ARAP2: variants seen among roughly 807,000 people sequenced by gnomAD.
ARAP2 encodes the protein ArfGAP with RhoGAP domain, ankyrin repeat and PH domain 2, also known as arf-GAP with Rho-GAP domain, ANK repeat and PH domain-containing protein 2.
ARAP2 carries 148 observed loss-of-function variants against 194.5 expected under a neutral mutation model. That is an observed-to-expected ratio of 0.76 (90% CI 0.67 to 0.87). The LOEUF (loss-of-function observed/expected upper bound fraction) is 0.87. Among genes scored for constraint, ARAP2 ranks in the 40% least tolerant of loss-of-function variants. The pLI, the probability that ARAP2 is intolerant of heterozygous loss-of-function variation, is 0.00. For missense variants in ARAP2, 2,128 were observed against 1,989.7 expected (o/e 1.07, Z -1.32); for synonymous variants, 695 against 683.5 (o/e 1.02, Z -0.26).
chr4:36,082,315 T>C (rs1365400359), intron 29 of ARAP2, 29 bp from the exon 30 acceptor site: 2 of 1,592,174 alleles, frequency 1.3e-6, no homozygotes, highest in Admixed American at 1.7e-5. Flanking sequence ...AAAACACACA[T>C]AAATTAAAAA....
intron 19 of ARAP2, among the ~76,000 whole-genome samples, chr4:36,146,017 A>C (rs915011135): frequency 7.9e-5 from 12 of 151,994 alleles, no homozygotes; most frequent in African/African-American, 2.9e-4. Flanking sequence ...TCCCAAAACC[A>C]AACTCTTGAT....
intron 32 of ARAP2, among the ~76,000 whole-genome samples, chr4:36,069,131 T>C (rs1160365246): frequency 6.6e-6 from 1 of 152,192 alleles, no homozygotes; most frequent in Non-Finnish European, 1.5e-5. Context: ...AAGAAAAGTT[T>C]AAACAGTTTC....
chr4:36,171,134 A>G (rs1027277895), intron 9 of ARAP2, among the ~76,000 whole-genome samples: 1 of 152,214 alleles, frequency 6.6e-6, no homozygotes, highest in African/African-American at 2.4e-5. Context: ...AGTAGCACCT[A>G]CAGCATCAGT....
intron 19 of ARAP2, among the ~76,000 whole-genome samples, chr4:36,146,147 T>A (rs1729574744): frequency 6.6e-6 from 1 of 152,016 alleles, no homozygotes; most frequent in Non-Finnish European, 1.5e-5. Context: ...CATCCTTGAC[T>A]CTTACACTTA....
chr4:36,162,282 T>C (rs905515976), intron 11 of ARAP2, among the ~76,000 whole-genome samples: 5 of 152,196 alleles, frequency 3.3e-5, no homozygotes, highest in Non-Finnish European at 5.9e-5. Context: ...ATGCAGATAA[T>C]ATTTCTTTAC....
chr4:36,228,736 C>A lies in ARAP2; in HGVS notation c.751G>T (p.Glu251Ter), dbSNP rs2109337998. 1 of 1,614,116 alleles carries A rather than the reference C, an allele frequency of 6.2e-7. No individual in the cohort carries two copies. Among genetic ancestry groups the A allele is most frequent in the East Asian group, 2.2e-5 (1 of 44,868 alleles). Reference sequence around the variant, plus strand: ...ACATACAAGTCATTTACAATCATTTCTCCTTGAAACTTAAAGAATGGGGAT... The same window carrying A: ...ACATACAAGTCATTTACAATCATTTATCCTTGAAACTTAAAGAATGGGGAT... The part of the protein sequence containing the change: ...PPSPFFKFQG[E>*]MIVNDLYVPS... The change falls in exon 2 of 33, where the codon GAA (glutamate) becomes TAA (stop). Residue 251 changes from glutamate to a stop codon, truncating the protein, a stop_gained. Transcript: ENST00000303965. LOFTEE classifies it high-confidence loss of function.
At chr4:36,062,655 T>C (rs1724648997), downstream of ARAP2, among the ~76,000 whole-genome samples, 1 of 151,832 alleles carries the variant, frequency 6.6e-6, no homozygotes, top group African/African-American at 2.4e-5. Context: ...TGTGTGTGTG[T>C]GTGTGTGTAT....
chr4:36,205,909 A>G (rs1206170145), intron 6 of ARAP2, among the ~76,000 whole-genome samples: 1 of 152,236 alleles, frequency 6.6e-6, no homozygotes, highest in African/African-American at 2.4e-5. Context: ...CACAATGTTT[A>G]CAAGTAGCTA....
chr4:36,063,896 A>G (rs996789385), downstream of ARAP2, among the ~76,000 whole-genome samples: 1 of 152,242 alleles, frequency 6.6e-6, no homozygotes, highest in Non-Finnish European at 1.5e-5. Flanking sequence ...AAAGATGCAA[A>G]TATCTGCATG....
intron 5 of ARAP2, among the ~76,000 whole-genome samples, chr4:36,039,019 A>G (rs1301678571): frequency 6.6e-6 from 1 of 152,214 alleles, no homozygotes; most frequent in Non-Finnish European, 1.5e-5. Flanking sequence ...TATTATTTAA[A>G]TAATTATCAT....
intron 27 of ARAP2, among the ~76,000 whole-genome samples, chr4:36,103,575 G>GA (rs1717593986): frequency 6.6e-6 from 1 of 151,762 alleles, no homozygotes; most frequent in East Asian, 1.9e-4. Flanking sequence ...ATATGGAATA[G>GA]AAAAAAATTG....
intron 2 of ARAP2, among the ~76,000 whole-genome samples, chr4:36,219,952 ACT>A (rs1441680796): frequency 6.6e-6 from 1 of 152,206 alleles, no homozygotes; most frequent in African/African-American, 2.4e-5. Flanking sequence ...GCAAAGCTAT[ACT>A]GTTTGCATCA....
chr4:36,070,039 A>T (rs982914753), intron 32 of ARAP2, among the ~76,000 whole-genome samples: 1 of 152,162 alleles, frequency 6.6e-6, no homozygotes, highest in Non-Finnish European at 1.5e-5. Flanking sequence ...GAAGCCAAGC[A>T]GATGCCACCA....
At chr4:36,024,234 A>G (rs1260902517) in intron 5 of ARAP2, among the ~76,000 whole-genome samples, 6 of 152,190 alleles carry the variant, frequency 3.9e-5, no homozygotes, top group Non-Finnish European at 8.8e-5. Flanking sequence ...AAAGTTGATC[A>G]AGTCACAACG....
chr4:36,202,502 A>T (rs1047533386), intron 6 of ARAP2, among the ~76,000 whole-genome samples: 2 of 152,274 alleles, frequency 1.3e-5, no homozygotes, highest in East Asian at 3.9e-4. Flanking sequence ...GAAGAAAAAA[A>T]AAAAGGTACT....
At chr4:36,153,123 A>C (rs1272007550) in intron 15 of ARAP2, among the ~76,000 whole-genome samples, 1 of 152,228 alleles carries the variant, frequency 6.6e-6, no homozygotes, top group Non-Finnish European at 1.5e-5. Context: ...AGTTAGAATA[A>C]TAAGCTTGAG....
Position 36,187,531 on chromosome 4 carries a change from G to T in ARAP2, c.1598C>A (p.Ser533Ter). The T allele has an allele frequency of 6.4e-7, 1 of 1,564,040 alleles. No homozygotes were observed. The highest frequency in any genetic ancestry group is 8.6e-7 in the Non-Finnish European group (1 of 1,157,640). Residue 533 changes from serine (S) to a stop codon, truncating the protein, a stop_gained, in exon 8 of 33, where the codon TCA becomes TAA. Coordinates refer to ENST00000303965, the MANE Select transcript of ARAP2 (RefSeq NM_015230.4). LOFTEE classifies it high-confidence loss of function. ...SKGIIPLSAISTVRVQGDNKF... is the reference protein window; with the variant it reads ...SKGIIPLSAI ...GTTGTCTCCTTGAACTCGTACTGTT[G>T]ATATAGCAGAAAGGGGAATTATTCC...
intron 6 of ARAP2, among the ~76,000 whole-genome samples, chr4:36,201,987 G>A (rs148482548): frequency 2.0e-5 from 3 of 152,076 alleles, no homozygotes; most frequent in African/African-American, 7.2e-5. Flanking sequence ...GCCATTTAAG[G>A]CAATGAAAAA....
At chr4:36,197,971 T>C (rs965201318) in intron 6 of ARAP2, among the ~76,000 whole-genome samples, 10 of 152,012 alleles carry the variant, frequency 6.6e-5, no homozygotes, top group African/African-American at 2.4e-4. Context: ...TTTTCACCCA[T>C]AACATGATGA....
Sources: gnomAD v4.1 joint callset for allele counts (sites outside exome capture counted in the v4.1 genomes callset) on GRCh38, gnomAD v4.1.1 for gene constraint, MANE v1.5 for transcripts, NCBI Gene and HGNC (gene_info 2026-07-23, HGNC 2026-07-21) for gene names.